Variants in AGPAT4 observed in about 807,000 individuals in gnomAD.
AGPAT4 encodes 1-acyl-sn-glycerol-3-phosphate acyltransferase delta.
AGPAT4 carries 15 observed loss-of-function variants against 48.0 expected under a neutral mutation model. That is an observed-to-expected ratio of 0.31 (90% confidence interval 0.21 to 0.48). The LOEUF is 0.48. AGPAT4 is among the 20% of genes least tolerant of loss of function. The probability of loss-of-function intolerance (pLI) is 0.99; values close to 1 mark genes in which losing one functional copy is unlikely to be tolerated. For synonymous variants in AGPAT4, 178 were observed against 198.7 expected, an observed-to-expected ratio of 0.90 and a Z score of 0.88; for missense variants, 314 against 482.5, an observed-to-expected ratio of 0.65 and a Z score of 3.27.
rs1783101392 is a variant in AGPAT4 at position 161,261,585 on chromosome 6, G to T, written c.-90+12353C>A. Reference sequence around the variant, plus strand: ...TAGCTGCTACCCTGAGACCGGGTAAGGCATCATCATTAACAAAGCCAACGG... The same window carrying T: ...TAGCTGCTACCCTGAGACCGGGTAATGCATCATCATTAACAAAGCCAACGG... On this transcript the variant is annotated intron_variant, in intron 1 of 8. Transcript: ENST00000320285. This position sits in a 1 kb window ranked among gnomAD's most constrained non-coding sequence, Gnocchi z 5.3. Among the ~76,000 whole-genome samples the T allele has an allele frequency of 6.6e-6, 1 of 152,198 alleles. No homozygotes were observed. Among genetic ancestry groups the T allele is most frequent in the South Asian group, 2.1e-4 (1 of 4,828 alleles).
intron 7 of AGPAT4, among the ~76,000 whole-genome samples, chr6:161,145,048 A>C (rs557865332): frequency 6.6e-6 from 1 of 151,872 alleles, no homozygotes; most frequent in Admixed American, 6.5e-5. Context: ...AAACAGAGCA[A>C]GAAAAATACT....
intron 2 of AGPAT4, among the ~76,000 whole-genome samples, chr6:161,183,249 G>T (rs549254630): frequency 6.6e-6 from 1 of 152,104 alleles, no homozygotes; most frequent in Non-Finnish European, 1.5e-5. Context: ...CTGCACAGGA[G>T]CTTGGATGTG....
At position 161,265,038 on chromosome 6, in the gene AGPAT4, TGC is replaced by T. The variant is rs1219532597; in HGVS notation, c.-90+8898_-90+8899del. Among the ~76,000 whole-genome samples, 50 of 152,282 alleles carry T rather than the reference TGC, an allele frequency of 3.3e-4. No homozygotes were observed. In the East Asian group the frequency reaches 8.9e-3, roughly 27 times the overall value. On this transcript the variant is annotated intron_variant, in intron 1 of 8. Coordinates refer to ENST00000320285, the MANE Select transcript of AGPAT4 (RefSeq NM_020133.3). ...AAATACCAGCAACTGTGGGGATGGATGCTAGGAGGCAAATTAATACTAGTGAG... is the reference window on the plus strand; with the variant it reads ...AAATACCAGCAACTGTGGGGATGGATTAGGAGGCAAATTAATACTAGTGAG...
rs775508748 is a variant in AGPAT4 at position 161,140,972 on chromosome 6, T to C, written c.844-1352A>G. ...GAGTCGAGTTTTCTGGAAAATGAGC[T>C]TCCTTATAATTGAAACTTATACTAC... On this transcript the variant is annotated intron_variant, in intron 7 of 8. Transcript: ENST00000320285. The surrounding 1 kb of genome is among the most constrained non-coding windows in gnomAD (Gnocchi z 6.5). Among the ~76,000 whole-genome samples, 1 of 152,222 alleles carries C rather than the reference T, an allele frequency of 6.6e-6. No homozygotes were observed. The highest frequency in any genetic ancestry group is 1.5e-5 in the Non-Finnish European group (1 of 68,034).
At chr6:161,152,264 CAG>C (rs1229067580) in intron 5 of AGPAT4, among the ~76,000 whole-genome samples, 1 of 150,860 alleles carries the variant, frequency 6.6e-6, no homozygotes, top group African/African-American at 2.4e-5. Context: ...AACTGGTTAA[CAG>C]GGCTAAGGGC....
In AGPAT4 at chr6:161,136,081, G is replaced by C. The variant is rs143834749; in HGVS notation, c.*459C>G. The C allele has an allele frequency of 5.7e-6, 1 of 174,886 alleles. No homozygotes were observed. The highest frequency in any genetic ancestry group is 1.2e-5 in the Non-Finnish European group (1 of 82,238). 10.8% of individuals were successfully genotyped at this position (174,886 alleles called of 1,614,324 possible). On this transcript the variant is annotated 3_prime_UTR_variant, in exon 9 of 9. Coordinates refer to ENST00000320285, the MANE Select transcript of AGPAT4 (RefSeq NM_020133.3). The stretch of plus-strand genomic sequence containing the variant: ...GTCAACATACACCACAGATGACCCA[G>C]AAAAGCACTTTAATTTTTTTTTCTT...
At chr6:161,209,629 G>A (rs376447736) in intron 2 of AGPAT4, among the ~76,000 whole-genome samples, 31 of 152,212 alleles carry the variant, frequency 2.0e-4, no homozygotes, top group Middle Eastern at 6.8e-3. Flanking sequence ...TGTCAGACCC[G>A]AACAGGCTCC....
Position 161,216,566 on chromosome 6 carries a change from A to C in AGPAT4, c.178+15470T>G, listed in dbSNP as rs1413493975. Among the ~76,000 whole-genome samples, 1 of 152,158 alleles carries C rather than the reference A, an allele frequency of 6.6e-6. No individual in the cohort carries two copies. The highest frequency in any genetic ancestry group is 2.4e-5 in the African/African-American group (1 of 41,436). On this transcript the variant is annotated intron_variant, in intron 2 of 8. Coordinates refer to ENST00000320285, the MANE Select transcript of AGPAT4 (RefSeq NM_020133.3). The surrounding 1 kb of genome is among the most constrained non-coding windows in gnomAD (Gnocchi z 4.8). ...CCCCACCCCAGCACTCTCTTAATTC[A>C]GATGATTTTCCCCAGTGTCCGTTTT...
intron 1 of AGPAT4, among the ~76,000 whole-genome samples, chr6:161,253,586 T>C (rs1453466696): frequency 6.6e-6 from 1 of 152,002 alleles, no homozygotes; most frequent in Non-Finnish European, 1.5e-5. Flanking sequence ...GCAAAAATAA[T>C]ATGTATCTCT....
chr6:161,198,056 CT>C lies in AGPAT4; in HGVS notation c.179-31640del, dbSNP rs906452484. 6.6e-6 allele frequency among the ~76,000 whole-genome samples: 1 copy of C among 152,132 alleles called. No homozygotes were observed. Among genetic ancestry groups the C allele is most frequent in the Non-Finnish European group, 1.5e-5 (1 of 68,036 alleles). On this transcript the variant is annotated intron_variant, in intron 2 of 8. Transcript: ENST00000320285. The surrounding 1 kb of genome is among the most constrained non-coding windows in gnomAD (Gnocchi z 4.3). ...CTCATACTTCATTCTTCCCACTCTT[CT>C]TTTGTTTAATATTTTAAAATATTTC...
intron 2 of AGPAT4, among the ~76,000 whole-genome samples, chr6:161,207,586 A>G (rs1377280025): frequency 6.6e-6 from 1 of 152,264 alleles, no homozygotes; most frequent in Admixed American, 6.5e-5. Flanking sequence ...AGATCCCTCC[A>G]ACAAGCTCCA....
rs1171906580 is a variant in AGPAT4, at chr6:161,217,991, T to C, written c.178+14045A>G. Among the ~76,000 whole-genome samples, 3 of 152,282 alleles carry C rather than the reference T, an allele frequency of 2.0e-5. No individual in the cohort carries two copies. Among genetic ancestry groups the C allele is most frequent in the African/African-American group, 4.8e-5 (2 of 41,480 alleles). On this transcript the variant is annotated intron_variant, in intron 2 of 8. Transcript: ENST00000320285. This position sits in a 1 kb window ranked among gnomAD's most constrained non-coding sequence, Gnocchi z 4.9. The stretch of plus-strand genomic sequence containing the variant: ...CCAACTCACCTTGTAGCGTAGAGCA[T>C]GTTCTATGTGATGCCTGCAAAGACC...
chr6:161,160,127 T>G, intron 3 of AGPAT4: 1 of 138,100 alleles, frequency 7.2e-6, no homozygotes, highest in Non-Finnish European at 1.6e-5. Context: ...TTTTTTTTTT[T>G]TTTTTTGTAT....
At position 161,204,963 on chromosome 6, in the gene AGPAT4, A is replaced by ACG. The variant is rs1291544391; in HGVS notation, c.178+27071_178+27072dup. Among the ~76,000 whole-genome samples, 1 of 152,184 alleles carries ACG rather than the reference A, an allele frequency of 6.6e-6. No individual in the cohort carries two copies. The highest frequency in any genetic ancestry group is 1.5e-5 in the Non-Finnish European group (1 of 68,038). ...TAAACCGGGTATGAACAACGACATG[A>ACG]CGCTGTTGATGAAAAGACACTGGAC... On this transcript the variant is annotated intron_variant, in intron 2 of 8. Transcript: ENST00000320285. The surrounding 1 kb of genome is among the most constrained non-coding windows in gnomAD (Gnocchi z 4.4).
At chr6:161,241,757 G>T (rs1020048805) in intron 1 of AGPAT4, among the ~76,000 whole-genome samples, 2 of 152,190 alleles carry the variant, frequency 1.3e-5, no homozygotes, top group African/African-American at 4.8e-5. Context: ...TTTTGAGATG[G>T]AGTCTCCCTC....
Position 161,238,018 on chromosome 6 carries a change from G to A in AGPAT4, c.-89-5716C>T, listed in dbSNP as rs896025680. Among the ~76,000 whole-genome samples the A allele has an allele frequency of 1.5e-4, 21 of 142,370 alleles. No individual in the cohort carries two copies. The East Asian group carries it at 1.9e-3, about 13-fold the overall frequency. 93.4% of individuals were successfully genotyped at this position (142,370 alleles called of 152,430 possible). A position where few individuals can be genotyped will look rare whatever the true frequency, so the allele number is the denominator to read the frequency against. ...AGAAATTCTGAAATGTGCAGGCAAC[G>A]CGAGACCACCTGGAAGCCAAGCACT... On this transcript the variant is annotated intron_variant, in intron 1 of 8. Transcript: ENST00000320285. This position sits in a 1 kb window ranked among gnomAD's most constrained non-coding sequence, Gnocchi z 5.2.
In AGPAT4 at chr6:161,147,637, C is replaced by A. The variant is rs1297983116; in HGVS notation, c.768-1038G>T. On this transcript the variant is annotated intron_variant, in intron 6 of 8. Coordinates refer to ENST00000320285, the MANE Select transcript of AGPAT4 (RefSeq NM_020133.3). The surrounding 1 kb of genome is among the most constrained non-coding windows in gnomAD (Gnocchi z 4.8). ...AGTTTTTCACATAATTAGAACTTACCCCATAAGCTCCTCCGGAAATATTCT... is the reference window on the plus strand; with the variant it reads ...AGTTTTTCACATAATTAGAACTTACACCATAAGCTCCTCCGGAAATATTCT... Among the ~76,000 whole-genome samples, 1 of 152,100 alleles carries A rather than the reference C, an allele frequency of 6.6e-6. No homozygotes were observed. Among genetic ancestry groups the A allele is most frequent in the African/African-American group, 2.4e-5 (1 of 41,418 alleles).
rs1779333104 is a variant in AGPAT4 at position 161,143,902 on chromosome 6, T to G, written c.843+2622A>C. On this transcript the variant is annotated intron_variant, in intron 7 of 8. Coordinates refer to ENST00000320285, the MANE Select transcript of AGPAT4 (RefSeq NM_020133.3). This position sits in a 1 kb window ranked among gnomAD's most constrained non-coding sequence, Gnocchi z 4.7. ...CCTCCCATTTTGCAGAAACTTTACT[T>G]GTCCATGAAATTGAAAAGTCAGAGA... 1 of 307,320 alleles carries G rather than the reference T, an allele frequency of 3.3e-6. No homozygotes were observed. Among genetic ancestry groups the G allele is most frequent in the African/African-American group, 2.2e-5 (1 of 45,586 alleles). 19.0% of individuals were successfully genotyped at this position (307,320 alleles called of 1,614,324 possible).
rs1781641103 is a variant in AGPAT4, at chr6:161,216,148, A to C, written c.178+15888T>G. 6.6e-6 allele frequency among the ~76,000 whole-genome samples: 1 copy of C among 152,232 alleles called. No homozygotes were observed. The highest frequency in any genetic ancestry group is 1.5e-5 in the Non-Finnish European group (1 of 68,042). On this transcript the variant is annotated intron_variant, in intron 2 of 8. Transcript: ENST00000320285. The surrounding 1 kb of genome is among the most constrained non-coding windows in gnomAD (Gnocchi z 4.8). Reference sequence around the variant, plus strand: ...TGACAAGGCTTCTTCATAGTCTGACAAAGGAGACTAACACTCTTAGACACA... The same window carrying C: ...TGACAAGGCTTCTTCATAGTCTGACCAAGGAGACTAACACTCTTAGACACA...
Sources: allele counts gnomAD v4.1 joint callset (sites outside exome capture counted in the v4.1 genomes callset), GRCh38; gene constraint gnomAD v4.1.1; non-coding constraint Gnocchi (gnomAD v3.1); transcripts MANE v1.5; gene names NCBI Gene and HGNC (gene_info 2026-07-23, HGNC 2026-07-21).